FHIT: variants seen among roughly 807,000 people sequenced by gnomAD.
FHIT encodes fragile histidine triad diadenosine triphosphatase, also known as bis(5'-adenosyl)-triphosphatase.
A neutral mutation model predicts 17.9 loss-of-function variants in FHIT; 19 were observed. The ratio of observed to expected loss-of-function variants is 1.06; its 90% CI spans 0.74 to 1.56. FHIT has a LOEUF of 1.56. Among genes scored for constraint, FHIT ranks in the 40% most tolerant of loss-of-function variants. FHIT has a pLI of 0.00. For missense variants in FHIT, 248 were observed against 189.2 expected (o/e 1.31, Z -1.82); for synonymous variants, 81 against 69.7 (o/e 1.16, Z -0.81).
In FHIT at chr3:60,560,842, C is replaced by CAG. The variant is rs1473909531; in HGVS notation, c.-17-23864_-17-23863insCT. ...ACACACACACACACACACACACACA[C>CAG]ACAGAGAGAGAGAGAGTGTGTGTGT... is the stretch of plus-strand genomic sequence containing the variant. On this transcript the variant is annotated intron_variant, in intron 4 of 9. Coordinates refer to ENST00000492590, the MANE Select transcript of FHIT (RefSeq NM_002012.4). 8.9e-5 allele frequency among the ~76,000 whole-genome samples: 11 copies of CAG among 123,594 alleles called. No individual in the cohort carries two copies. The South Asian group carries it at 1.2e-3, about 14-fold the overall frequency. The allele number at this position is 123,594 out of a possible 152,430, so 81.1% of individuals were successfully genotyped here. A position where few individuals can be genotyped will look rare whatever the true frequency, so the allele number is the denominator to read the frequency against.
intron 4 of FHIT, among the ~76,000 whole-genome samples, chr3:60,766,990 A>T (rs189825549): frequency 3.3e-5 from 5 of 152,306 alleles, no homozygotes; most frequent in East Asian, 1.9e-4. Flanking sequence ...TTTCATGCTC[A>T]TCCTAATGCG....
rs17064337 is a variant in FHIT, at chr3:61,041,404, G to A, written c.-111+643C>T. Among the ~76,000 whole-genome samples, 851 of 151,472 alleles carry A rather than the reference G, an allele frequency of 5.6e-3. 26 individuals carry two copies. In the East Asian group the frequency reaches 0.1, roughly 18 times the overall value. ...AAAAAAAAAAATTTACAAGACTACC[G>A]AGAATCCGCACCTCCTAAGAAATGG... On this transcript the variant is annotated intron_variant, in intron 3 of 9. Coordinates refer to ENST00000492590, the MANE Select transcript of FHIT (RefSeq NM_002012.4).
chr3:60,709,944 T>C (rs1553704579), intron 4 of FHIT, among the ~76,000 whole-genome samples: 1 of 152,122 alleles, frequency 6.6e-6, no homozygotes, highest in Non-Finnish European at 1.5e-5. Context: ...AAAAATAGTG[T>C]TCCATATAAA....
intron 5 of FHIT, among the ~76,000 whole-genome samples, chr3:60,528,866 T>C (rs1377884462): frequency 1.3e-5 from 2 of 152,190 alleles, no homozygotes; most frequent in African/African-American, 4.8e-5. Context: ...GGCTGATGTC[T>C]GGCACAGTAG....
intron 5 of FHIT, among the ~76,000 whole-genome samples, chr3:60,260,820 A>G (rs1156745957): frequency 6.6e-6 from 1 of 152,042 alleles, no homozygotes; most frequent in African/African-American, 2.4e-5. Context: ...CGAAACCAAG[A>G]TGGTGATAAA....
intron 8 of FHIT, among the ~76,000 whole-genome samples, chr3:59,908,289 G>C (rs1704679030): frequency 6.6e-6 from 1 of 152,152 alleles, no homozygotes; most frequent in African/African-American, 2.4e-5. Flanking sequence ...AATAATGAAG[G>C]ACTATAGCAG....
intron 3 of FHIT, among the ~76,000 whole-genome samples, chr3:60,838,938 C>G (rs1240749092): frequency 6.6e-6 from 1 of 152,070 alleles, no homozygotes; most frequent in Admixed American, 6.5e-5. Flanking sequence ...AGTAAAAGGA[C>G]TTCCTGGGTG....
At chr3:60,452,439 A>G (rs376129405) in intron 5 of FHIT, among the ~76,000 whole-genome samples, 152 of 152,326 alleles carry the variant, frequency 1.0e-3, no homozygotes, top group African/African-American at 3.3e-3. Flanking sequence ...TAACATAGTA[A>G]TTATTAAGAA....
intron 3 of FHIT, among the ~76,000 whole-genome samples, chr3:60,884,401 A>T (rs545518113): frequency 6.6e-6 from 1 of 152,292 alleles, no homozygotes; most frequent in South Asian, 2.1e-4. Flanking sequence ...TATTGAAGAG[A>T]TATCTGCATA....
At chr3:60,158,325 T>TC (rs1491369213) in intron 5 of FHIT, among the ~76,000 whole-genome samples, 2 of 144,794 alleles carry the variant, frequency 1.4e-5, no homozygotes, top group African/African-American at 2.5e-5. Flanking sequence ...TTTCTCTCTC[T>TC]TTTTTTTTTT....
intron 5 of FHIT, among the ~76,000 whole-genome samples, chr3:60,355,507 T>C (rs1038465644): frequency 2.0e-5 from 3 of 151,956 alleles, no homozygotes; most frequent in African/African-American, 7.2e-5. Context: ...GAAAATGACA[T>C]TGCATGATTA....
At chr3:61,096,271 G>A (rs1034198257) in intron 2 of FHIT, among the ~76,000 whole-genome samples, 1 of 152,180 alleles carries the variant, frequency 6.6e-6, no homozygotes, top group African/African-American at 2.4e-5. Flanking sequence ...CTTGCAAAGT[G>A]TCTAATTGAT....
intron 3 of FHIT, among the ~76,000 whole-genome samples, chr3:60,901,901 A>T (rs1706132803): frequency 6.6e-6 from 1 of 152,120 alleles, no homozygotes; most frequent in Admixed American, 6.5e-5. Context: ...ATACGTCATA[A>T]GTACTGTTTT....
chr3:60,229,432 A>AG (rs888652150), intron 5 of FHIT, among the ~76,000 whole-genome samples: 68 of 151,900 alleles, frequency 4.5e-4, no homozygotes, highest in African/African-American at 1.5e-3. Context: ...AAGAAAAAAA[A>AG]AAAAAGAAAA....
rs576898996 is a variant in FHIT, at chr3:60,553,424, A to T, written c.-17-16445T>A. ...TCCGACGGAGACCTTTTATGCAAAA[A>T]GAGGTCACTGCTTTAAAATATATAT... On this transcript the variant is annotated intron_variant, in intron 4 of 9. Transcript: ENST00000492590. 1,720 of 900,076 alleles carry T rather than the reference A, an allele frequency of 1.9e-3. 7 individuals are homozygous for T. Among genetic ancestry groups the T allele is most frequent in the South Asian group, 9.7e-3 (190 of 19,684 alleles). The allele number at this position is 900,076 out of a possible 1,614,324, so 55.8% of individuals were successfully genotyped here.
chr3:60,602,978 T>C (rs2038494506), intron 4 of FHIT, among the ~76,000 whole-genome samples: 1 of 152,190 alleles, frequency 6.6e-6, no homozygotes, highest in African/African-American at 2.4e-5. Context: ...GCAAGAAATA[T>C]ATTTCTGTTG....
chr3:60,363,147 A>G (rs1234850864), intron 5 of FHIT, among the ~76,000 whole-genome samples: 2 of 152,158 alleles, frequency 1.3e-5, no homozygotes, highest in African/African-American at 4.8e-5. Context: ...AGAGGTGCAG[A>G]AAACAAGCTC....
intron 5 of FHIT, among the ~76,000 whole-genome samples, chr3:60,027,445 G>A (rs1361968467): frequency 6.6e-6 from 1 of 151,882 alleles, no homozygotes; most frequent in East Asian, 1.9e-4. Context: ...ATCAGACATC[G>A]GCCCCATAAT....
At chr3:60,976,547 C>A (rs779559694) in intron 3 of FHIT, among the ~76,000 whole-genome samples, 1 of 152,172 alleles carries the variant, frequency 6.6e-6, no homozygotes, top group Non-Finnish European at 1.5e-5. Context: ...GGGTGATATT[C>A]TAATGAGACA....
Sources: gnomAD v4.1 joint callset for allele counts (sites outside exome capture counted in the v4.1 genomes callset) on GRCh38, gnomAD v4.1.1 for gene constraint, MANE v1.5 for transcripts, NCBI Gene and HGNC (gene_info 2026-07-23, HGNC 2026-07-21) for gene names.